NRXN3: variants seen among roughly 807,000 people sequenced by gnomAD.
The protein encoded by NRXN3 is neurexin 3, also known as neurexin III.
A neutral mutation model predicts 137.6 loss-of-function variants in NRXN3; 32 were observed. The ratio of observed to expected loss-of-function variants is 0.23; its 90% confidence interval spans 0.18 to 0.31. The LOEUF (loss-of-function observed/expected upper bound fraction) is 0.31. NRXN3 is among the 10% of genes least tolerant of loss of function. The probability of loss-of-function intolerance (pLI) is 1.00; values close to 1 mark genes in which losing one functional copy is unlikely to be tolerated. For missense variants in NRXN3, 1,574 were observed against 2,062.5 expected, an observed-to-expected ratio of 0.76 and a Z score of 4.59; for synonymous variants, 798 against 784.5, an observed-to-expected ratio of 1.02 and a Z score of -0.29.
At chr14:78,758,087 T>C (rs28691229) in intron 8 of NRXN3, among the ~76,000 whole-genome samples, 21,395 of 152,044 alleles carry the variant, frequency 0.14, 2,480 homozygotes, top group African/African-American at 0.32. Context: ...AATGAAGTTA[T>C]CTTTTGTGGA....
intron 1 of NRXN3, among the ~76,000 whole-genome samples, chr14:78,199,908 A>G (rs1013155888): frequency 1.3e-5 from 2 of 152,130 alleles, no homozygotes; most frequent in Non-Finnish European, 2.9e-5. Flanking sequence ...CCTGCAGTGG[A>G]TATTGTAGAC....
chr14:78,720,792 C>A (rs796431438), intron 8 of NRXN3, among the ~76,000 whole-genome samples: 10 of 152,286 alleles, frequency 6.6e-5, no homozygotes, highest in African/African-American at 2.4e-4. Flanking sequence ...TTTCTATATT[C>A]TCAACACAGT....
At chr14:79,536,119 G>A (rs1424849) in intron 16 of NRXN3, among the ~76,000 whole-genome samples, 144,060 of 152,286 alleles carry the variant, frequency 0.95, 68,183 homozygotes, top group East Asian at 1. Context: ...GTGGTTGCCT[G>A]AAGAGTTGAA....
At chr14:79,506,674 T>C (rs61504574) in intron 16 of NRXN3, among the ~76,000 whole-genome samples, 64,702 of 151,904 alleles carry the variant, frequency 0.43, 14,157 homozygotes, top group African/African-American at 0.53. Context: ...TCATTTTTTT[T>C]TCTCCTTAGT....
intron 15 of NRXN3, among the ~76,000 whole-genome samples, chr14:79,016,504 T>C (rs1241242025): frequency 6.6e-6 from 1 of 152,196 alleles, no homozygotes; most frequent in Non-Finnish European, 1.5e-5. Context: ...CAAAGTGTGC[T>C]AGATGCAAGG....
At chr14:78,449,891 C>A (rs1052578855) in intron 4 of NRXN3, among the ~76,000 whole-genome samples, 3 of 152,182 alleles carry the variant, frequency 2.0e-5, no homozygotes, top group African/African-American at 7.2e-5. Flanking sequence ...TCTCGATTCT[C>A]AATTCAGTGT....
rs965920523 is a variant in NRXN3 at position 78,903,147 on chromosome 14, C to CTTTTTTTTTTTT, written c.2276-54089_2276-54078dup. 3.0e-4 allele frequency among the ~76,000 whole-genome samples: 37 copies of CTTTTTTTTTTTT among 121,466 alleles called. 1 individual carries two copies. Among genetic ancestry groups the CTTTTTTTTTTTT allele is most frequent in the East Asian group, 1.0e-3 (4 of 3,896 alleles). The allele number at this position is 121,466 out of a possible 152,430, so 79.7% of individuals were successfully genotyped here. A position where few individuals can be genotyped will look rare whatever the true frequency, so the allele number is the denominator to read the frequency against. On this transcript the variant is annotated intron_variant, in intron 10 of 20. Coordinates refer to ENST00000335750, the MANE Select transcript of NRXN3 (RefSeq NM_001330195.2). ...GAAATAAACAATGAAGTTTCATCTT[C>CTTTTTTTTTTTT]TTTTTTTTTTTTTTTTTCTGAGACA... is the stretch of plus-strand genomic sequence containing the variant.
intron 15 of NRXN3, among the ~76,000 whole-genome samples, chr14:79,411,015 G>A (rs1205581302): frequency 6.6e-6 from 1 of 152,094 alleles, no homozygotes; most frequent in Non-Finnish European, 1.5e-5. Context: ...CATCTATTAA[G>A]TGGCATGGTT....
chr14:78,777,180 T>A (rs2098747303), intron 8 of NRXN3, among the ~76,000 whole-genome samples: 1 of 152,172 alleles, frequency 6.6e-6, no homozygotes. Context: ...TCTCTGCCCA[T>A]CCTTCCATAT....
intron 20 of NRXN3, among the ~76,000 whole-genome samples, chr14:79,829,687 AGACTTCTCT>A (rs1387998003): frequency 3.0e-4 from 46 of 152,330 alleles, no homozygotes; most frequent in African/African-American, 1.1e-3. Flanking sequence ...AAGGGATTAC[AGACTTCTCT>A]GAAGTCTTCT....
rs1314546145 is a variant in NRXN3 at position 79,680,578 on chromosome 14, G to GT, written c.3617-11594dup. 2.0e-5 allele frequency among the ~76,000 whole-genome samples: 3 copies of GT among 151,986 alleles called. No individual in the cohort carries two copies. In the East Asian group the frequency reaches 5.8e-4, roughly 29 times the overall value. ...CTTTCTAGTCTAAGTATACGTAAGTGTATTCATGACCAGTATTCAAAGGGT... is the reference window on the plus strand; with the variant it reads ...CTTTCTAGTCTAAGTATACGTAAGTGTTATTCATGACCAGTATTCAAAGGGT... On this transcript the variant is annotated intron_variant, in intron 17 of 20. Coordinates refer to ENST00000335750, the MANE Select transcript of NRXN3 (RefSeq NM_001330195.2).
intron 6 of NRXN3, among the ~76,000 whole-genome samples, chr14:78,677,351 A>G (rs1218135649): frequency 6.6e-6 from 1 of 152,226 alleles, no homozygotes; most frequent in South Asian, 2.1e-4. Context: ...GAAGAAGTTG[A>G]TCACAACCCT....
chr14:79,831,328 T>C lies in NRXN3; in HGVS notation c.4093+26138T>C, dbSNP rs537107387. ...GTGAGTGACAGATTTCACATGAGAATTGGTCACGTACAAGAATGTTAATGC... is the reference window on the plus strand; with the variant it reads ...GTGAGTGACAGATTTCACATGAGAACTGGTCACGTACAAGAATGTTAATGC... On this transcript the variant is annotated intron_variant, in intron 20 of 20. Coordinates refer to ENST00000335750, the MANE Select transcript of NRXN3 (RefSeq NM_001330195.2). Among the ~76,000 whole-genome samples the C allele has an allele frequency of 2.6e-5, 4 of 152,312 alleles. No individual in the cohort carries two copies. In the East Asian group the frequency reaches 5.8e-4, roughly 22 times the overall value.
intron 8 of NRXN3, among the ~76,000 whole-genome samples, chr14:78,747,788 C>A (rs1040800157): frequency 2.0e-5 from 3 of 152,168 alleles, no homozygotes; most frequent in Non-Finnish European, 4.4e-5. Context: ...AACTTGTAGA[C>A]AATTTTGCCC....
intron 1 of NRXN3, among the ~76,000 whole-genome samples, chr14:78,191,616 A>T (rs1465912008): frequency 2.0e-5 from 3 of 152,170 alleles, no homozygotes; most frequent in Non-Finnish European, 4.4e-5. Flanking sequence ...AGACTGGGAA[A>T]GCCTGGTTTC....
At chr14:79,171,751 A>G (rs190125299) in intron 15 of NRXN3, among the ~76,000 whole-genome samples, 1 of 152,242 alleles carries the variant, frequency 6.6e-6, no homozygotes, top group East Asian at 1.9e-4. Flanking sequence ...GGCAAAAGAA[A>G]TAGGCCCTAC....
intron 8 of NRXN3, among the ~76,000 whole-genome samples, chr14:78,791,869 A>G (rs2098806053): frequency 6.6e-6 from 1 of 152,144 alleles, no homozygotes; most frequent in African/African-American, 2.4e-5. Context: ...CTCTGAAGCT[A>G]CAGAAAAAAA....
At chr14:78,871,511 C>T (rs150271016) in intron 10 of NRXN3, among the ~76,000 whole-genome samples, 31 of 152,158 alleles carry the variant, frequency 2.0e-4, no homozygotes, top group African/African-American at 5.8e-4. Context: ...CTTTAGTGTA[C>T]GAATTTGAAT....
chr14:78,199,127 A>G (rs1003395122), intron 1 of NRXN3, among the ~76,000 whole-genome samples: 1 of 152,216 alleles, frequency 6.6e-6, no homozygotes, highest in Admixed American at 6.5e-5. Context: ...AAGAGTAGAT[A>G]TCTAGAAAAC....
Sources: gnomAD v4.1 joint callset for allele counts (sites outside exome capture counted in the v4.1 genomes callset) on GRCh38, gnomAD v4.1.1 for gene constraint, MANE v1.5 for transcripts, NCBI Gene and HGNC (gene_info 2026-07-23, HGNC 2026-07-21) for gene names.